Variants in DYNC2I1 observed in about 807,000 individuals in gnomAD.
DYNC2I1 encodes dynein 2 intermediate chain 1.
DYNC2I1 carries 89 observed loss-of-function variants against 133.4 expected under a neutral mutation model. The observed-to-expected ratio is 0.67, with a 90% CI of 0.56 to 0.80. DYNC2I1 has a LOEUF of 0.80. DYNC2I1 is among the 30% of genes least tolerant of loss of function. DYNC2I1 has a pLI of 0.00. For synonymous variants in DYNC2I1, 504 were observed against 484.3 expected (o/e 1.04, Z -0.54); for missense variants, 1,291 against 1,314.5 (o/e 0.98, Z 0.28).
the DYNC2I1 span, among the ~76,000 whole-genome samples, chr7:158,840,728 G>A: frequency 1.1e-4 from 17 of 152,232 alleles, no homozygotes. Context: ...AGTGGGGGAG[G>A]TTTTCAGTGG....
At chr7:158,952,769 AC>A (rs1366093442) in intron 4 of DYNC2I1, among the ~76,000 whole-genome samples, 6 of 151,346 alleles carry the variant, frequency 4.0e-5, no homozygotes, top group East Asian at 2.0e-4. Flanking sequence ...AGGAGGGTGA[AC>A]CCCCAGCCGC....
intron 8 of DYNC2I1, among the ~76,000 whole-genome samples, chr7:158,892,194 A>G (rs901375754): frequency 1.3e-5 from 2 of 152,220 alleles, no homozygotes; most frequent in Non-Finnish European, 2.9e-5. Context: ...CTGGCCAGAC[A>G]TAGGACTTGA....
At position 158,945,853 on chromosome 7, in the gene DYNC2I1, T is replaced by C; in HGVS notation, c.*74T>C. 1 of 1,373,222 alleles carries C rather than the reference T, an allele frequency of 7.3e-7. No homozygotes were observed. The highest frequency in any genetic ancestry group is 9.7e-7 in the Non-Finnish European group (1 of 1,034,916). 85.1% of individuals were successfully genotyped at this position (1,373,222 alleles called of 1,614,324 possible). A position where few individuals can be genotyped will look rare whatever the true frequency, so the allele number is the denominator to read the frequency against. ...GACATAAGGTGGATAATTCTACATTTGTGTGCAAGTATATTTATGTATATA... is the reference window on the plus strand; with the variant it reads ...GACATAAGGTGGATAATTCTACATTCGTGTGCAAGTATATTTATGTATATA... On this transcript the variant is annotated 3_prime_UTR_variant, in exon 25 of 25. Transcript: ENST00000407559. The surrounding 1 kb of genome is among the most constrained non-coding windows in gnomAD (Gnocchi z 4.1).
At chr7:158,891,244 G>A in intron 7 of DYNC2I1, 21 bp from the exon 8 acceptor site, 1 of 1,613,956 alleles carries the variant, frequency 6.2e-7, no homozygotes, top group Non-Finnish European at 8.5e-7. Context: ...CTGGCTGATG[G>A]GGCTGTTCTC....
Position 158,871,209 on chromosome 7 carries a change from A to C in DYNC2I1, c.137A>C (p.Glu46Ala). The C allele has an allele frequency of 6.2e-7, 1 of 1,613,794 alleles. No homozygotes were observed. Among genetic ancestry groups the C allele is most frequent in the Non-Finnish European group, 8.5e-7 (1 of 1,179,772 alleles). Residue 46 changes from glutamate to alanine, a missense_variant, in exon 3 of 25, where the codon GAG becomes GCG. Coordinates refer to ENST00000407559, the MANE Select transcript of DYNC2I1 (RefSeq NM_018051.5). The stretch of plus-strand genomic sequence containing the variant: ...GAGAAGAAGCTGCGTAAGGAGTCTG[A>C]GATGGACCTTCCTGAACATAAGGAG... Reference protein sequence around the residue: ...HREKKLRKESEMDLPEHKEPR... With the variant: ...HREKKLRKESAMDLPEHKEPR...
intron 5 of DYNC2I1, 90 bp from the exon 6 acceptor site, chr7:158,884,474 T>A: frequency 8.1e-7 from 1 of 1,227,644 alleles, no homozygotes; most frequent in African/African-American, 1.5e-5. Context: ...AAATTTTGAA[T>A]CTGTGCTTGT....
chr7:158,899,464 A>G (rs1199617066), intron 8 of DYNC2I1, among the ~76,000 whole-genome samples: 3 of 152,154 alleles, frequency 2.0e-5, no homozygotes. Context: ...ATTTCCCTTT[A>G]CTTATTTCTT....
intron 16 of DYNC2I1, 93 bp downstream of exon 16, chr7:158,922,642 G>T (rs1333957794): frequency 1.5e-6 from 2 of 1,291,440 alleles, no homozygotes; most frequent in East Asian, 5.0e-5. Context: ...GGAGAGAGGT[G>T]CAGGGACAGG....
intron 3 of DYNC2I1, among the ~76,000 whole-genome samples, chr7:158,875,880 G>T (rs1843311793): frequency 6.6e-6 from 1 of 152,218 alleles, no homozygotes; most frequent in Non-Finnish European, 1.5e-5. Context: ...GCTTCTGCGT[G>T]ATATGCAGAA....
chr7:158,879,674 T>C lies in DYNC2I1; in HGVS notation c.574-10T>C. On this transcript the variant is annotated splice_polypyrimidine_tract_variant and intron_variant, in intron 4 of 24. Coordinates refer to ENST00000407559, the MANE Select transcript of DYNC2I1 (RefSeq NM_018051.5). ...TGCTCCTGTGTTTCTCAGCTTGTCG[T>C]GTTTTACAGCTGCAGTACGGAGACA... 6.4e-7 allele frequency: 1 copy of C among 1,559,010 alleles called. No individual in the cohort carries two copies. Among genetic ancestry groups the C allele is most frequent in the Admixed American group, 2.1e-5 (1 of 46,948 alleles).
At chr7:158,891,893 C>T (rs546212762) in intron 8 of DYNC2I1, among the ~76,000 whole-genome samples, 4 of 110,310 alleles carry the variant, frequency 3.6e-5, no homozygotes, top group African/African-American at 1.2e-4. Context: ...AAGGACGTAG[C>T]GCGGAGCTTG....
At chr7:158,901,197 AG>A (rs1846222219) in intron 8 of DYNC2I1, among the ~76,000 whole-genome samples, 1 of 152,120 alleles carries the variant, frequency 6.6e-6, no homozygotes, top group Non-Finnish European at 1.5e-5. Context: ...CAGCCTCTGG[AG>A]TAGCTGGGAA....
the DYNC2I1 span, among the ~76,000 whole-genome samples, chr7:158,841,316 C>T: frequency 3.3e-5 from 5 of 151,032 alleles, no homozygotes; most frequent in South Asian, 1.0e-3. Context: ...AAGCAATTCT[C>T]CCCACCTCAC....
chr7:158,948,580 A>G (rs1490567588), downstream of DYNC2I1, among the ~76,000 whole-genome samples: 1 of 84,974 alleles, frequency 1.2e-5, no homozygotes, highest in Non-Finnish European at 2.0e-5. Flanking sequence ...GGAGGTGCTC[A>G]GTGAAGGTGG....
intron 3 of DYNC2I1, 37 bp from the exon 4 acceptor site, chr7:158,876,572 A>G (rs962556824): frequency 2.0e-6 from 3 of 1,530,586 alleles, no homozygotes; most frequent in South Asian, 2.6e-5. Flanking sequence ...ATGTGCTAAC[A>G]TTTGGGAGTA....
Position 158,856,607 on chromosome 7 carries a change from T to C in DYNC2I1, c.-129T>C. The C allele has an allele frequency of 1.0e-6, 1 of 980,798 alleles. No homozygotes were observed. The highest frequency in any genetic ancestry group is 1.3e-6 in the Non-Finnish European group (1 of 759,990). 60.8% of individuals were successfully genotyped at this position (980,798 alleles called of 1,614,324 possible). A position where few individuals can be genotyped will look rare whatever the true frequency, so the allele number is the denominator to read the frequency against. On this transcript the variant is annotated 5_prime_UTR_variant, in exon 1 of 25. Coordinates refer to ENST00000407559, the MANE Select transcript of DYNC2I1 (RefSeq NM_018051.5). ...GCAGTGCTTCTGGGCCCTCTGCTGC[T>C]CCTGCTTGTCGGTTGCTAGGCGCTG... is the stretch of plus-strand genomic sequence containing the variant.
chr7:158,886,975 C>G (rs374151398), intron 6 of DYNC2I1, 46 bp from the exon 7 acceptor site: 3 of 1,541,040 alleles, frequency 1.9e-6, no homozygotes, highest in Non-Finnish European at 2.7e-6. Flanking sequence ...TTTTTAAAAG[C>G]TCTCATTTAA....
intron 20 of DYNC2I1, among the ~76,000 whole-genome samples, chr7:158,928,944 TAGTC>T (rs1225761489): frequency 2.6e-5 from 4 of 152,192 alleles, no homozygotes; most frequent in Admixed American, 6.5e-5. Context: ...TTTCTGTCCA[TAGTC>T]AGGTGATAAT....
chr7:158,863,171 C>T lies in DYNC2I1; in HGVS notation c.15+6421C>T, dbSNP rs554639329. On this transcript the variant is annotated intron_variant, in intron 1 of 24. Coordinates refer to ENST00000407559, the MANE Select transcript of DYNC2I1 (RefSeq NM_018051.5). Reference sequence around the variant, plus strand: ...TTCCCTTATTTGGCCCTGCCCACATCGTGGTGCGTTTACAAACCTTTAGCT... The same window carrying T: ...TTCCCTTATTTGGCCCTGCCCACATTGTGGTGCGTTTACAAACCTTTAGCT... Among the ~76,000 whole-genome samples, 169 of 152,056 alleles carry T rather than the reference C, an allele frequency of 1.1e-3. 1 individual carries two copies. The highest frequency in any genetic ancestry group is 3.6e-3 in the African/African-American group (149 of 41,502).
Sources: allele counts gnomAD v4.1 joint callset (sites outside exome capture counted in the v4.1 genomes callset), GRCh38; gene constraint gnomAD v4.1.1; non-coding constraint Gnocchi (gnomAD v3.1); transcripts MANE v1.5; gene names NCBI Gene and HGNC (gene_info 2026-07-23, HGNC 2026-07-21).